SUCLG2: variants seen among roughly 807,000 people sequenced by gnomAD.
The protein encoded by SUCLG2 is succinate--CoA ligase [GDP-forming] subunit beta, mitochondrial.
In SUCLG2, 42 loss-of-function variants were observed where a neutral mutation model predicts 47.9. The observed-to-expected ratio is 0.88, with a 90% CI of 0.69 to 1.14. The LOEUF is 1.14. Among genes scored for constraint, SUCLG2 ranks in the 50% most tolerant of loss-of-function variants. SUCLG2 has a pLI of 0.00. For missense variants in SUCLG2, 571 were observed against 525.9 expected (o/e 1.09, Z -0.84); for synonymous variants, 195 against 197.3 (o/e 0.99, Z 0.10).
intron 9 of SUCLG2, among the ~76,000 whole-genome samples, chr3:67,427,660 C>T (rs1479400745): frequency 6.6e-6 from 1 of 152,196 alleles, no homozygotes; most frequent in East Asian, 1.9e-4. Context: ...CGAAGCAGGG[C>T]AGGGCATCAC....
chr3:67,562,334 G>A (rs1486167418), intron 2 of SUCLG2, among the ~76,000 whole-genome samples: 1 of 151,842 alleles, frequency 6.6e-6, no homozygotes, highest in African/African-American at 2.4e-5. Context: ...CTGGAGTGCA[G>A]CAGTGCCATC....
intron 10 of SUCLG2, among the ~76,000 whole-genome samples, chr3:67,364,774 T>C (rs990329632): frequency 1.3e-5 from 2 of 152,060 alleles, no homozygotes; most frequent in African/African-American, 4.8e-5. Flanking sequence ...AGTAACATGC[T>C]TTATACTGGG....
chr3:67,523,190 A>C (rs1263563624), intron 4 of SUCLG2, among the ~76,000 whole-genome samples: 1 of 152,214 alleles, frequency 6.6e-6, no homozygotes, highest in Non-Finnish European at 1.5e-5. Context: ...AAAACACTTA[A>C]GTTTTAGGTC....
chr3:67,374,454 T>C (rs139428492), downstream of SUCLG2, among the ~76,000 whole-genome samples: 109 of 152,316 alleles, frequency 7.2e-4, 1 homozygote, highest in Middle Eastern at 6.8e-3. Flanking sequence ...CCCTTTGCGT[T>C]ACGCAGACTG....
intron 9 of SUCLG2, among the ~76,000 whole-genome samples, chr3:67,407,044 A>C (rs1702828707): frequency 6.6e-6 from 1 of 152,152 alleles, no homozygotes; most frequent in South Asian, 2.1e-4. Context: ...TAAGAGCTCT[A>C]TCAGTATATA....
At chr3:67,484,724 A>C (rs72923153) in intron 9 of SUCLG2, among the ~76,000 whole-genome samples, 2 of 152,188 alleles carry the variant, frequency 1.3e-5, no homozygotes, top group African/African-American at 4.8e-5. Context: ...TGAGGACTGT[A>C]AATTGTAAAT....
At chr3:67,636,295 T>C (rs1201377312) in intron 1 of SUCLG2, among the ~76,000 whole-genome samples, 4 of 151,026 alleles carry the variant, frequency 2.6e-5, no homozygotes, top group Admixed American at 1.3e-4. Flanking sequence ...AGAAAGGGTC[T>C]AGAAAAGGAG....
Position 67,375,633 on chromosome 3 carries a change from T to G in SUCLG2, c.*111A>C. The G allele has an allele frequency of 1.4e-6, 2 of 1,450,366 alleles. No individual in the cohort carries two copies. The highest frequency in any genetic ancestry group is 1.8e-6 in the Non-Finnish European group (2 of 1,101,166). The allele number at this position is 1,450,366 out of a possible 1,614,324, so 89.8% of individuals were successfully genotyped here. ...TTAAGATTTTTCAGTGATTCTTGCCTTCCCCCTCCCCTTTTCTTCCCCAAT... is the reference window on the plus strand; with the variant it reads ...TTAAGATTTTTCAGTGATTCTTGCCGTCCCCCTCCCCTTTTCTTCCCCAAT... On this transcript the variant is annotated 3_prime_UTR_variant, in exon 11 of 11. Transcript: ENST00000307227.
rs1003867800 is a variant in SUCLG2, at chr3:67,561,491, T to C, written c.227-32305A>G. Reference sequence around the variant, plus strand: ...GTGTGGCAAAATAATAACAAAAAGCTTAGCAACAGCAGCCCCCTACTTGCT... The same window carrying C: ...GTGTGGCAAAATAATAACAAAAAGCCTAGCAACAGCAGCCCCCTACTTGCT... On this transcript the variant is annotated intron_variant, in intron 2 of 10. Transcript: ENST00000307227. 1.1e-4 allele frequency among the ~76,000 whole-genome samples: 17 copies of C among 152,156 alleles called. 1 individual carries two copies. The highest frequency in any genetic ancestry group is 9.8e-4 in the Admixed American group (15 of 15,270).
At chr3:67,642,763 G>A (rs1227986830) in intron 1 of SUCLG2, among the ~76,000 whole-genome samples, 1 of 152,164 alleles carries the variant, frequency 6.6e-6, no homozygotes, top group African/African-American at 2.4e-5. Context: ...ATAAACATCA[G>A]GTGTCTATTT....
chr3:67,638,746 T>C (rs981440855), intron 1 of SUCLG2, among the ~76,000 whole-genome samples: 2 of 152,244 alleles, frequency 1.3e-5, no homozygotes, highest in African/African-American at 2.4e-5. Context: ...TCAAATCCTA[T>C]CTTGGTCACT....
chr3:67,476,362 T>C (rs1453101956), intron 9 of SUCLG2, among the ~76,000 whole-genome samples: 1 of 152,022 alleles, frequency 6.6e-6, no homozygotes, highest in East Asian at 1.9e-4. Flanking sequence ...TGATCCCTAT[T>C]GTGAACTGTG....
At chr3:67,529,606 G>A (rs1706348052) in intron 2 of SUCLG2, among the ~76,000 whole-genome samples, 1 of 152,232 alleles carries the variant, frequency 6.6e-6, no homozygotes, top group South Asian at 2.1e-4. Flanking sequence ...ACTGGATTAT[G>A]CGGGGGAAGG....
At chr3:67,642,093 A>T (rs1256785394) in intron 1 of SUCLG2, among the ~76,000 whole-genome samples, 4 of 152,182 alleles carry the variant, frequency 2.6e-5, no homozygotes, top group Non-Finnish European at 5.9e-5. Flanking sequence ...TTAAAGATAG[A>T]GTCTTTACAG....
At position 67,540,013 on chromosome 3, in the gene SUCLG2, G is replaced by A. The variant is rs573416576; in HGVS notation, c.227-10827C>T. On this transcript the variant is annotated intron_variant, in intron 2 of 10. Transcript: ENST00000307227. The stretch of plus-strand genomic sequence containing the variant: ...AGCCTTTTCAAAAAAAACAGCTCCC[G>A]GATTCATTGATTTTTTTAAGGGCTT... Among the ~76,000 whole-genome samples, 8 of 151,334 alleles carry A rather than the reference G, an allele frequency of 5.3e-5. No individual in the cohort carries two copies. The East Asian group carries it at 1.6e-3, about 30-fold the overall frequency.
chr3:67,375,235 T>C lies in SUCLG2; in HGVS notation c.*509A>G. The C allele has an allele frequency of 2.0e-6, 2 of 985,898 alleles. No individual in the cohort carries two copies. The highest frequency in any genetic ancestry group is 2.4e-6 in the Non-Finnish European group (2 of 829,944). 61.1% of individuals were successfully genotyped at this position (985,898 alleles called of 1,614,324 possible). A position where few individuals can be genotyped will look rare whatever the true frequency, so the allele number is the denominator to read the frequency against. Reference sequence around the variant, plus strand: ...GAAACCTGTAAAATCTGCAGTAGTGTGTAATAGCTATTTGCTTGAATGTCT... The same window carrying C: ...GAAACCTGTAAAATCTGCAGTAGTGCGTAATAGCTATTTGCTTGAATGTCT... On this transcript the variant is annotated 3_prime_UTR_variant, in exon 11 of 11. Transcript: ENST00000307227.
chr3:67,507,295 T>C (rs533539150), intron 7 of SUCLG2, among the ~76,000 whole-genome samples: 1 of 152,310 alleles, frequency 6.6e-6, no homozygotes, highest in East Asian at 1.9e-4. Context: ...TCATGAAATA[T>C]ATTATCTTCA....
At chr3:67,487,403 T>C (rs1342236489) in intron 9 of SUCLG2, among the ~76,000 whole-genome samples, 1 of 152,048 alleles carries the variant, frequency 6.6e-6, no homozygotes, top group Non-Finnish European at 1.5e-5. Flanking sequence ...CATCAAAATT[T>C]ATATAAACAA....
intron 2 of SUCLG2, among the ~76,000 whole-genome samples, chr3:67,563,916 C>T (rs1356038755): frequency 2.0e-5 from 3 of 146,532 alleles, no homozygotes; most frequent in South Asian, 2.2e-4. Flanking sequence ...GCGGAGATCT[C>T]GCTGCTGCAC....
Sources: allele counts gnomAD v4.1 joint callset (sites outside exome capture counted in the v4.1 genomes callset), GRCh38; gene constraint gnomAD v4.1.1; transcripts MANE v1.5; gene names NCBI Gene and HGNC (gene_info 2026-07-23, HGNC 2026-07-21).